Variants in AGBL4 observed in about 807,000 individuals in gnomAD.
The protein encoded by AGBL4 is AGBL carboxypeptidase 4, also known as cytosolic carboxypeptidase 6.
A neutral mutation model predicts 66.4 loss-of-function variants in AGBL4; 58 were observed. The ratio of observed to expected loss-of-function variants is 0.87; its 90% CI spans 0.71 to 1.09. The LOEUF (loss-of-function observed/expected upper bound fraction) is 1.09. Ranked by LOEUF, AGBL4 falls within the 50% of genes least tolerant of loss-of-function variation. The pLI is 0.00. For synonymous variants in AGBL4, 234 were observed against 222.9 expected, an observed-to-expected ratio of 1.05 and a Z score of -0.44; for missense variants, 579 against 631.0, an observed-to-expected ratio of 0.92 and a Z score of 0.88.
At chr1:48,684,392 C>T (rs75571389) in intron 6 of AGBL4, among the ~76,000 whole-genome samples, 2,574 of 152,304 alleles carry the variant, frequency 0.017, 33 homozygotes, top group Middle Eastern at 0.054. Context: ...CTTCAGCCCC[C>T]GCCAGAGCAC....
At chr1:49,845,443 C>A in intron 2 of AGBL4, 1 of 1,476,576 alleles carries the variant, frequency 6.8e-7, no homozygotes, top group Non-Finnish European at 9.5e-7. Flanking sequence ...AGCCTTCCAG[C>A]AAAGCATCCA....
intron 9 of AGBL4, among the ~76,000 whole-genome samples, chr1:48,604,916 C>T (rs925479779): frequency 6.6e-6 from 1 of 152,210 alleles, no homozygotes; most frequent in Non-Finnish European, 1.5e-5. Context: ...TCATCCATAT[C>T]TACATAAAAA....
At chr1:49,888,647 T>C (rs1369772939) in intron 1 of AGBL4, among the ~76,000 whole-genome samples, 6 of 152,172 alleles carry the variant, frequency 3.9e-5, no homozygotes, top group African/African-American at 1.4e-4. Flanking sequence ...CACTATTAGA[T>C]TGGATAACAG....
intron 3 of AGBL4, among the ~76,000 whole-genome samples, chr1:49,529,596 T>C (rs1467028837): frequency 2.6e-5 from 4 of 152,112 alleles, no homozygotes; most frequent in Non-Finnish European, 5.9e-5. Context: ...TGAGAATCAC[T>C]TGAACCCAGG....
intron 4 of AGBL4, among the ~76,000 whole-genome samples, chr1:49,154,714 C>A (rs1334548879): frequency 6.6e-6 from 1 of 152,112 alleles, no homozygotes; most frequent in Non-Finnish European, 1.5e-5. Context: ...TACAGTGTTT[C>A]TTGGCTCCAT....
chr1:49,861,502 G>C lies in AGBL4; in HGVS notation c.35-9984C>G, dbSNP rs77776874. ...CCCCTGTTCCAGGCCCTAGCACCCA[G>C]ATGACATTTCTAGACACACCCTGGG... On this transcript the variant is annotated intron_variant, in intron 1 of 13. Transcript: ENST00000371839. Among the ~76,000 whole-genome samples, 998 of 152,178 alleles carry C rather than the reference G, an allele frequency of 6.6e-3. 7 individuals are homozygous for C. The highest frequency in any genetic ancestry group is 0.023 in the African/African-American group (937 of 41,532).
chr1:49,420,123 ATAATACTT>A (rs1390975556), intron 3 of AGBL4, among the ~76,000 whole-genome samples: 1 of 152,204 alleles, frequency 6.6e-6, no homozygotes, highest in Non-Finnish European at 1.5e-5. Flanking sequence ...AATTCTCCCA[ATAATACTT>A]TCTATTTATC....
rs12028279 is a variant in AGBL4 at position 49,630,129 on chromosome 1, A to T, written c.282+67184T>A. On this transcript the variant is annotated intron_variant, in intron 3 of 13. Transcript: ENST00000371839. ...GTCTATATTACTTCAGAGCATCATT[A>T]TCATAAACAGTATTGAGTCCAGCTC... 2.6e-4 allele frequency among the ~76,000 whole-genome samples: 39 copies of T among 152,216 alleles called. 2 individuals carry two copies. In the East Asian group the frequency reaches 7.6e-3, roughly 29 times the overall value.
chr1:48,537,269 G>A (rs1643988424), intron 12 of AGBL4, among the ~76,000 whole-genome samples: 1 of 152,142 alleles, frequency 6.6e-6, no homozygotes, highest in Admixed American at 6.5e-5. Flanking sequence ...TGCATAGGGA[G>A]GAGGTTATTA....
intron 5 of AGBL4, among the ~76,000 whole-genome samples, chr1:48,944,782 C>A (rs918419553): frequency 6.6e-6 from 1 of 152,102 alleles, no homozygotes; most frequent in Admixed American, 6.6e-5. Context: ...GAAAATAACT[C>A]ATATCAAGGT....
rs367862569 is a variant in AGBL4, at chr1:49,312,537, G to T, written c.283-66673C>A. Reference sequence around the variant, plus strand: ...TATAAAAAGCTTTTACTTAAGAAAAGGAAGTCACAGACTGGGAAAAAATAT... The same window carrying T: ...TATAAAAAGCTTTTACTTAAGAAAATGAAGTCACAGACTGGGAAAAAATAT... On this transcript the variant is annotated intron_variant, in intron 3 of 13. Coordinates refer to ENST00000371839, the MANE Select transcript of AGBL4 (RefSeq NM_032785.4). Among the ~76,000 whole-genome samples the T allele has an allele frequency of 3.4e-4, 52 of 152,126 alleles. 1 individual carries two copies. The South Asian group carries it at 9.5e-3, about 28-fold the overall frequency.
At chr1:49,063,932 T>C (rs1053285017) in intron 4 of AGBL4, among the ~76,000 whole-genome samples, 3 of 152,226 alleles carry the variant, frequency 2.0e-5, no homozygotes, top group African/African-American at 7.2e-5. Flanking sequence ...TTCAGAGCAG[T>C]AGTGAGAAGA....
chr1:49,564,858 T>G (rs1385791630), intron 3 of AGBL4, among the ~76,000 whole-genome samples: 1 of 152,166 alleles, frequency 6.6e-6, no homozygotes, highest in Non-Finnish European at 1.5e-5. Context: ...TTCCTGGATA[T>G]CCTTCTTAAC....
chr1:49,861,021 G>A (rs888717926), intron 1 of AGBL4, among the ~76,000 whole-genome samples: 2 of 152,068 alleles, frequency 1.3e-5, no homozygotes, highest in Non-Finnish European at 2.9e-5. Flanking sequence ...TAATTGTGAC[G>A]CACTGAACTC....
chr1:49,431,857 A>C (rs1468200764), intron 3 of AGBL4, among the ~76,000 whole-genome samples: 1 of 152,144 alleles, frequency 6.6e-6, no homozygotes, highest in African/African-American at 2.4e-5. Flanking sequence ...GTGGCAGGCC[A>C]GGTCTCACTA....
intron 3 of AGBL4, among the ~76,000 whole-genome samples, chr1:49,429,539 T>C (rs1231812030): frequency 6.6e-6 from 1 of 152,204 alleles, no homozygotes. Flanking sequence ...GAGTGAAGTT[T>C]GAGGGAAAAT....
At chr1:49,586,395 C>T (rs1644647730) in intron 3 of AGBL4, among the ~76,000 whole-genome samples, 2 of 152,154 alleles carry the variant, frequency 1.3e-5, no homozygotes, top group African/African-American at 4.8e-5. Context: ...ACAACTTTTT[C>T]ATATGCAACA....
At chr1:48,719,367 C>G (rs908691929) in intron 6 of AGBL4, among the ~76,000 whole-genome samples, 7 of 149,754 alleles carry the variant, frequency 4.7e-5, no homozygotes, top group African/African-American at 9.7e-5. Context: ...AGTGCCAGCA[C>G]TTAAGGAGGA....
At chr1:50,006,156 G>A (rs982136350) in intron 1 of AGBL4, among the ~76,000 whole-genome samples, 1 of 152,058 alleles carries the variant, frequency 6.6e-6, no homozygotes, top group African/African-American at 2.4e-5. Flanking sequence ...TGGCTAACAC[G>A]GTGAAACCCC....
Sources: allele counts gnomAD v4.1 joint callset (sites outside exome capture counted in the v4.1 genomes callset), GRCh38; gene constraint gnomAD v4.1.1; transcripts MANE v1.5; gene names NCBI Gene and HGNC (gene_info 2026-07-23, HGNC 2026-07-21).